PCCA: variants seen among roughly 807,000 people sequenced by gnomAD.
The protein encoded by PCCA is propionyl-CoA carboxylase alpha chain, mitochondrial.
A neutral mutation model predicts 101.3 loss-of-function variants in PCCA; 74 were observed. The ratio of observed to expected loss-of-function variants is 0.73; its 90% CI spans 0.61 to 0.89. PCCA has a LOEUF of 0.89. Ranked by LOEUF, PCCA falls within the 40% of genes least tolerant of loss-of-function variation. PCCA has a pLI of 0.00. For synonymous variants in PCCA, 294 were observed against 313.6 expected, an observed-to-expected ratio of 0.94 and a Z score of 0.66; for missense variants, 891 against 907.0, an observed-to-expected ratio of 0.98 and a Z score of 0.23.
chr13:100,145,976 G>A (rs547413774), intron 4 of PCCA, among the ~76,000 whole-genome samples: 16 of 142,288 alleles, frequency 1.1e-4, no homozygotes, highest in South Asian at 6.7e-4. Context: ...TCACTCTATC[G>A]CCCAGGCTGG....
chr13:100,350,132 G>A (rs1381376480), intron 18 of PCCA, among the ~76,000 whole-genome samples: 1 of 152,172 alleles, frequency 6.6e-6, no homozygotes, highest in Admixed American at 6.5e-5. Context: ...AAGTAACCGT[G>A]TGAAAATAAT....
intron 7 of PCCA, among the ~76,000 whole-genome samples, chr13:100,234,797 C>T (rs2060688098): frequency 6.6e-6 from 1 of 151,744 alleles, no homozygotes; most frequent in African/African-American, 2.4e-5. Flanking sequence ...GCATTTTAGT[C>T]ATTTTCTAAA....
intron 19 of PCCA, among the ~76,000 whole-genome samples, chr13:100,415,354 C>G (rs77380960): frequency 0.038 from 5,803 of 152,224 alleles, 388 homozygotes; most frequent in African/African-American, 0.13. Flanking sequence ...CTGCAGTGAG[C>G]TGGATCCCAC....
intron 18 of PCCA, among the ~76,000 whole-genome samples, chr13:100,353,018 T>C (rs1595532428): frequency 6.6e-6 from 1 of 152,190 alleles, no homozygotes; most frequent in African/African-American, 2.4e-5. Context: ...AGACAAAATA[T>C]TGTTCAAGAC....
intron 12 of PCCA, among the ~76,000 whole-genome samples, chr13:100,288,857 T>A (rs1328820387): frequency 1.3e-5 from 2 of 152,118 alleles, no homozygotes; most frequent in Non-Finnish European, 1.5e-5. Context: ...TCTCACTTTC[T>A]TTTCCTCATT....
At chr13:100,269,787 G>A (rs956461261) in intron 11 of PCCA, among the ~76,000 whole-genome samples, 4 of 152,030 alleles carry the variant, frequency 2.6e-5, no homozygotes, top group Admixed American at 6.5e-5. Flanking sequence ...TTTTAATCCC[G>A]GAGTAATGGT....
intron 22 of PCCA, among the ~76,000 whole-genome samples, chr13:100,519,089 C>A (rs1446598878): frequency 6.6e-6 from 1 of 152,200 alleles, no homozygotes; most frequent in African/African-American, 2.4e-5. Flanking sequence ...ATAAGATAGT[C>A]ACCCAAGGAG....
intron 20 of PCCA, among the ~76,000 whole-genome samples, chr13:100,443,444 ACT>A (rs2152919599): frequency 6.7e-6 from 1 of 149,548 alleles, no homozygotes; most frequent in Admixed American, 6.6e-5. Context: ...AGCATGAGAC[ACT>A]GTCAAAAAAA....
At chr13:100,504,113 T>C (rs1345013607) in intron 21 of PCCA, among the ~76,000 whole-genome samples, 1 of 152,094 alleles carries the variant, frequency 6.6e-6, no homozygotes, top group Non-Finnish European at 1.5e-5. Flanking sequence ...AATAAGCCTA[T>C]AACTATTTTT....
At chr13:100,404,202 A>G (rs891640691) in intron 19 of PCCA, among the ~76,000 whole-genome samples, 1 of 152,176 alleles carries the variant, frequency 6.6e-6, no homozygotes, top group African/African-American at 2.4e-5. Flanking sequence ...GAGGACGGGT[A>G]AAGATAGCTA....
intron 7 of PCCA, among the ~76,000 whole-genome samples, chr13:100,228,617 G>T (rs1304941494): frequency 6.6e-6 from 1 of 151,808 alleles, no homozygotes; most frequent in African/African-American, 2.4e-5. Context: ...AAGAACAAAG[G>T]CTGGGCGCGG....
rs548068604 is a variant in PCCA, at chr13:100,172,198, C to T, written c.468+14858C>T. Among the ~76,000 whole-genome samples, 396 of 142,864 alleles carry T rather than the reference C, an allele frequency of 2.8e-3. 4 individuals carry two copies. Among genetic ancestry groups the T allele is most frequent in the East Asian group, 3.4e-3 (17 of 4,972 alleles). 93.7% of individuals were successfully genotyped at this position (142,864 alleles called of 152,430 possible). ...CCTGGGTGACAGAGCAAAACCCTGT[C>T]TCAAAAAAAAAAAAAAAATTTACCT... is the stretch of plus-strand genomic sequence containing the variant. On this transcript the variant is annotated intron_variant, in intron 6 of 23. Coordinates refer to ENST00000376285, the MANE Select transcript of PCCA (RefSeq NM_000282.4).
intron 21 of PCCA, chr13:100,481,134 A>G (rs1025662980): frequency 2.0e-5 from 3 of 152,064 alleles, no homozygotes; most frequent in Non-Finnish European, 4.4e-5. Context: ...GATCTTAGCA[A>G]TCTCAGCATA....
At chr13:100,462,085 T>C (rs867976348) in intron 21 of PCCA, among the ~76,000 whole-genome samples, 8 of 152,298 alleles carry the variant, frequency 5.3e-5, no homozygotes, top group African/African-American at 1.9e-4. Context: ...AGAAAATCTA[T>C]AGCATTCCTT....
chr13:100,362,151 T>A (rs2074684261), intron 18 of PCCA, among the ~76,000 whole-genome samples: 1 of 152,076 alleles, frequency 6.6e-6, no homozygotes, highest in East Asian at 1.9e-4. Context: ...TTTTTTGGAG[T>A]CTGTTCTTGT....
chr13:100,432,498 A>G (rs2079628614), intron 20 of PCCA, among the ~76,000 whole-genome samples: 1 of 152,206 alleles, frequency 6.6e-6, no homozygotes, highest in African/African-American at 2.4e-5. Flanking sequence ...GGAAGTATTC[A>G]TTTAGGGAAG....
chr13:100,150,582 G>A (rs148200479), intron 4 of PCCA: 21,665 of 1,213,482 alleles, frequency 0.018, 226 homozygotes, highest in Non-Finnish European at 0.022. Context: ...CCAAGGGCCA[G>A]GGCTCTTTTG....
At chr13:100,377,064 G>A (rs2075958597) in intron 19 of PCCA, among the ~76,000 whole-genome samples, 3 of 152,156 alleles carry the variant, frequency 2.0e-5, no homozygotes, top group Admixed American at 1.3e-4. Flanking sequence ...CTAGGGGAGG[G>A]AGTTCCCTGA....
At chr13:100,118,706 G>A (rs190629739) in intron 4 of PCCA, among the ~76,000 whole-genome samples, 156 of 151,976 alleles carry the variant, frequency 1.0e-3, no homozygotes, top group Non-Finnish European at 1.7e-3. Flanking sequence ...ATGCCACCAC[G>A]CCTGGCTGAT....
Sources: allele counts gnomAD v4.1 joint callset (sites outside exome capture counted in the v4.1 genomes callset), GRCh38; gene constraint gnomAD v4.1.1; transcripts MANE v1.5; gene names NCBI Gene and HGNC (gene_info 2026-07-23, HGNC 2026-07-21).